Variants in THSD7B observed in about 807,000 individuals in gnomAD.
The protein encoded by THSD7B is thrombospondin type 1 domain containing 7B.
THSD7B carries 138 observed loss-of-function variants against 213.6 expected under a neutral mutation model. The observed-to-expected ratio is 0.65, with a 90% CI of 0.56 to 0.74. The LOEUF is 0.74. THSD7B is among the 30% of genes least tolerant of loss of function. The pLI is 0.00. For synonymous variants in THSD7B, 742 were observed against 687.0 expected, an observed-to-expected ratio of 1.08 and a Z score of -1.25; for missense variants, 1,931 against 1,991.5, an observed-to-expected ratio of 0.97 and a Z score of 0.58.
chr2:136,938,415 A>G (rs1558859650), intron 2 of THSD7B, among the ~76,000 whole-genome samples: 1 of 151,284 alleles, frequency 6.6e-6, no homozygotes, highest in African/African-American at 2.4e-5. Flanking sequence ...GATCAAGCAT[A>G]TTTTTTTTTG....
intron 2 of THSD7B, among the ~76,000 whole-genome samples, chr2:136,903,119 T>G (rs1391213656): frequency 6.6e-6 from 1 of 152,082 alleles, no homozygotes; most frequent in African/African-American, 2.4e-5. Context: ...CCTTGCCAGA[T>G]TATATAGAAT....
intron 3 of THSD7B, among the ~76,000 whole-genome samples, chr2:137,067,195 T>C (rs1455429045): frequency 6.6e-6 from 1 of 152,156 alleles, no homozygotes; most frequent in African/African-American, 2.4e-5. Context: ...CTCATTTGGA[T>C]GTTTGCTTTA....
intron 15 of THSD7B, among the ~76,000 whole-genome samples, chr2:137,514,296 T>C (rs1436304536): frequency 6.6e-6 from 1 of 152,166 alleles, no homozygotes; most frequent in Non-Finnish European, 1.5e-5. Flanking sequence ...GGGCACCATC[T>C]AATAAGCAGC....
chr2:137,239,401 C>A (rs1681850063), intron 9 of THSD7B, among the ~76,000 whole-genome samples: 1 of 152,162 alleles, frequency 6.6e-6, no homozygotes, highest in South Asian at 2.1e-4. Flanking sequence ...CCTTATGCCA[C>A]CCCGGCTCTC....
At chr2:137,187,756 G>C (rs924828497) in intron 7 of THSD7B, among the ~76,000 whole-genome samples, 1 of 152,114 alleles carries the variant, frequency 6.6e-6, no homozygotes, top group Admixed American at 6.6e-5. Context: ...AATATCTTGT[G>C]TTGATAGACT....
intron 12 of THSD7B, among the ~76,000 whole-genome samples, chr2:137,342,054 A>G (rs1210270794): frequency 6.6e-6 from 1 of 151,606 alleles, no homozygotes; most frequent in Non-Finnish European, 1.5e-5. Context: ...TAATAGAGAT[A>G]AAATTAGTAT....
rs1018685798 is a variant in THSD7B, at chr2:137,232,785, G to A, written c.1916-114G>A. ...TGAGAAGAACAGTGCAGTGGCTCAG[G>A]TCTTTGGAAGGCTGTGTCAGCAAAG... On this transcript the variant is annotated intron_variant, in intron 8 of 27. Coordinates refer to ENST00000409968, the MANE Select transcript of THSD7B (RefSeq NM_001316349.2). The A allele has an allele frequency of 1.1e-5, 10 of 949,854 alleles. No individual in the cohort carries two copies. The Admixed American group carries it at 2.1e-4, about 20-fold the overall frequency. The allele number at this position is 949,854 out of a possible 1,614,324, so 58.8% of individuals were successfully genotyped here.
intron 2 of THSD7B, among the ~76,000 whole-genome samples, chr2:137,052,471 A>G (rs1340441837): frequency 6.6e-6 from 1 of 152,094 alleles, no homozygotes; most frequent in Non-Finnish European, 1.5e-5. Context: ...GGCATATAAA[A>G]ATTCTTGACA....
At chr2:137,066,294 G>A (rs1045259687) in intron 3 of THSD7B, among the ~76,000 whole-genome samples, 4 of 150,694 alleles carry the variant, frequency 2.7e-5, no homozygotes, top group African/African-American at 4.9e-5. Context: ...CAGGTTCAAG[G>A]AATTCTCCTG....
intron 12 of THSD7B, among the ~76,000 whole-genome samples, chr2:137,313,702 G>C (rs1443777340): frequency 6.6e-6 from 1 of 152,044 alleles, no homozygotes; most frequent in South Asian, 2.1e-4. Context: ...AGCCGGCCTG[G>C]TGGTGACAAA....
chr2:137,046,725 C>T lies in THSD7B; in HGVS notation c.140-9695C>T, dbSNP rs1481427463. ...AGCCTGGGTGACAAGAGTGAAACTC[C>T]GTCTCAAAAAAAAAAAAAAAAAAAA... On this transcript the variant is annotated intron_variant, in intron 2 of 27. Transcript: ENST00000409968. 8.5e-4 allele frequency among the ~76,000 whole-genome samples: 112 copies of T among 132,228 alleles called. 1 individual carries two copies. Among genetic ancestry groups the T allele is most frequent in the African/African-American group, 3.1e-3 (109 of 34,682 alleles). The allele number at this position is 132,228 out of a possible 152,430, so 86.7% of individuals were successfully genotyped here.
At chr2:137,111,472 T>C (rs573606334) in intron 4 of THSD7B, among the ~76,000 whole-genome samples, 1 of 152,342 alleles carries the variant, frequency 6.6e-6, no homozygotes, top group South Asian at 2.1e-4. Flanking sequence ...TAAACCTTGC[T>C]TTGAACCCTG....
chr2:137,095,651 A>T (rs1303443446), intron 4 of THSD7B, among the ~76,000 whole-genome samples: 1 of 152,156 alleles, frequency 6.6e-6, no homozygotes, highest in African/African-American at 2.4e-5. Context: ...GTCCCTAGGG[A>T]GCCAGAGAAT....
intron 12 of THSD7B, among the ~76,000 whole-genome samples, chr2:137,314,640 A>G (rs1684034599): frequency 6.6e-6 from 1 of 152,002 alleles, no homozygotes; most frequent in Admixed American, 6.5e-5. Flanking sequence ...TTGTGGTTTT[A>G]TCTACTTTTG....
chr2:136,832,744 A>G (rs1682776474), intron 1 of THSD7B, among the ~76,000 whole-genome samples: 1 of 152,296 alleles, frequency 6.6e-6, no homozygotes, highest in South Asian at 2.1e-4. Flanking sequence ...TATAACAAGA[A>G]CTATGCTGGT....
At chr2:137,644,801 GTGA>G (rs1455775863) in intron 21 of THSD7B, among the ~76,000 whole-genome samples, 1 of 152,172 alleles carries the variant, frequency 6.6e-6, no homozygotes, top group African/African-American at 2.4e-5. Context: ...AATGAGGGAG[GTGA>G]TGATATTTAG....
At chr2:136,811,913 T>C (rs1682382950) in intron 1 of THSD7B, among the ~76,000 whole-genome samples, 1 of 152,174 alleles carries the variant, frequency 6.6e-6, no homozygotes, top group African/African-American at 2.4e-5. Context: ...TCATTGATGT[T>C]ACCTACCTGA....
chr2:136,832,440 C>T (rs531755808), intron 1 of THSD7B, among the ~76,000 whole-genome samples: 18 of 152,236 alleles, frequency 1.2e-4, no homozygotes, highest in Non-Finnish European at 1.3e-4. Context: ...CAAATTCCTT[C>T]TTCTGCCTTT....
chr2:137,482,468 G>A (rs1688329491), intron 15 of THSD7B, among the ~76,000 whole-genome samples: 1 of 152,192 alleles, frequency 6.6e-6, no homozygotes, highest in Non-Finnish European at 1.5e-5. Flanking sequence ...GGCGCAGGAT[G>A]AATGTGGCAT....
Sources: allele counts gnomAD v4.1 joint callset (sites outside exome capture counted in the v4.1 genomes callset), GRCh38; gene constraint gnomAD v4.1.1; transcripts MANE v1.5; gene names NCBI Gene and HGNC (gene_info 2026-07-23, HGNC 2026-07-21).